The following SLC35G1 variants were observed in gnomAD, a reference collection of about 807,000 sequenced individuals.
SLC35G1 encodes the protein solute carrier family 35 member G1, also known as partner of STIM1.
In SLC35G1, 10 loss-of-function variants were observed where a neutral mutation model predicts 17.1. The observed-to-expected ratio is 0.59, with a 90% confidence interval of 0.36 to 0.99. The LOEUF (loss-of-function observed/expected upper bound fraction) is 0.99. Among genes scored for constraint, SLC35G1 ranks in the 50% least tolerant of loss-of-function variants. The pLI is 0.01. For missense variants in SLC35G1, 433 were observed against 468.4 expected (o/e 0.92, Z 0.70); for synonymous variants, 185 against 181.1 (o/e 1.02, Z -0.18).
At chr10:93,898,494 T>C (rs1245893691) in intron 1 of SLC35G1, 77 bp from the exon 2 acceptor site, 11 of 1,445,862 alleles carry the variant, frequency 7.6e-6, no homozygotes, top group African/African-American at 4.3e-5. Flanking sequence ...CACTGTTCCA[T>C]TTTTCTCAGT....
rs967959900 is a variant in SLC35G1 at position 93,903,364 on chromosome 10, G to A, written c.*1874G>A. On this transcript the variant is annotated 3_prime_UTR_variant, in exon 3 of 3. Transcript: ENST00000427197. The stretch of plus-strand genomic sequence containing the variant: ...ATAGGGGCCATGCTTCGTAGATAGG[G>A]ATGATAGAGAGGAGACCTGCCCAAG... 6.6e-6 allele frequency: 1 copy of A among 152,182 alleles called. No individual in the cohort carries two copies. Among genetic ancestry groups the A allele is most frequent in the Non-Finnish European group, 1.5e-5 (1 of 68,042 alleles). 9.4% of individuals were successfully genotyped at this position (152,182 alleles called of 1,614,324 possible).
chr10:93,903,804 AAAT>A lies in SLC35G1; in HGVS notation c.*2319_*2321del, dbSNP rs1007208369. 2 of 152,224 alleles carry A rather than the reference AAAT, an allele frequency of 1.3e-5. No homozygotes were observed. The highest frequency in any genetic ancestry group is 1.3e-4 in the Admixed American group (2 of 15,288). The allele number at this position is 152,224 out of a possible 1,614,324, so 9.4% of individuals were successfully genotyped here. The stretch of plus-strand genomic sequence containing the variant: ...TAAATTGTTTTTATAAGTACTAATA[AAAT>A]AATATGAAAGAAAGCTATATGTTGG... On this transcript the variant is annotated 3_prime_UTR_variant, in exon 3 of 3. Transcript: ENST00000427197.
chr10:93,894,242 C>T lies in SLC35G1; in HGVS notation c.178+31C>T. 2.3e-6 allele frequency: 3 copies of T among 1,320,748 alleles called. 1 individual carries two copies. The highest frequency in any genetic ancestry group is 2.5e-4 in the Middle Eastern group (1 of 4,060). The allele number at this position is 1,320,748 out of a possible 1,614,324, so 81.8% of individuals were successfully genotyped here. A position where few individuals can be genotyped will look rare whatever the true frequency, so the allele number is the denominator to read the frequency against. On this transcript the variant is annotated intron_variant, in intron 1 of 2. Coordinates refer to ENST00000427197, the MANE Select transcript of SLC35G1 (RefSeq NM_001134658.3). ...TGCGCGGTGTGGATCGGGCTCTGGT[C>T]TCGCTCGGGGGTCCCGAGCGGGCGC...
chr10:93,906,680 A>G (rs1242846288), downstream of SLC35G1, among the ~76,000 whole-genome samples: 1 of 152,202 alleles, frequency 6.6e-6, no homozygotes, highest in Non-Finnish European at 1.5e-5. Flanking sequence ...GGGTTTTTTT[A>G]GCCTGTGACA....
At chr10:93,905,688 G>A (rs1471806974), downstream of SLC35G1, among the ~76,000 whole-genome samples, 1 of 152,146 alleles carries the variant, frequency 6.6e-6, no homozygotes, top group Non-Finnish European at 1.5e-5. Flanking sequence ...GTTCCACTGG[G>A]CTCAGGAAAT....
chr10:93,896,125 G>A (rs1056348073), intron 1 of SLC35G1, among the ~76,000 whole-genome samples: 13 of 151,884 alleles, frequency 8.6e-5, no homozygotes, highest in African/African-American at 2.9e-4. Flanking sequence ...TGAGTAGCTG[G>A]GACCACAGGC....
chr10:93,895,945 G>C (rs2060325473), intron 1 of SLC35G1, among the ~76,000 whole-genome samples: 1 of 151,858 alleles, frequency 6.6e-6, no homozygotes, highest in Non-Finnish European at 1.5e-5. Flanking sequence ...GCCTTTTAGA[G>C]TTACAGAGAT....
chr10:93,907,340 C>T (rs1433516392), downstream of SLC35G1: 2 of 152,166 alleles, frequency 1.3e-5, no homozygotes, highest in Non-Finnish European at 2.9e-5. Flanking sequence ...TGCATTGGTA[C>T]AACTTCTAGG....
chr10:93,898,758 A>AT lies in SLC35G1; in HGVS notation c.359+13dup. The AT allele has an allele frequency of 6.3e-7, 1 of 1,593,052 alleles. No individual in the cohort carries two copies. Among genetic ancestry groups the AT allele is most frequent in the Non-Finnish European group, 8.5e-7 (1 of 1,173,554 alleles). On this transcript the variant is annotated splice_region_variant and intron_variant, in intron 2 of 2. Coordinates refer to ENST00000427197, the MANE Select transcript of SLC35G1 (RefSeq NM_001134658.3). The stretch of plus-strand genomic sequence containing the variant: ...CTTGCTTAATATACAGAAAGTAAGT[A>AT]TTTTTTAACTGCAAAGTAGAAGATA...
At chr10:93,904,302 C>A (rs1236216158), downstream of SLC35G1, among the ~76,000 whole-genome samples, 1 of 152,190 alleles carries the variant, frequency 6.6e-6, no homozygotes, top group Non-Finnish European at 1.5e-5. Flanking sequence ...ATTCCTGTCT[C>A]AGTGCCAGCT....
downstream of SLC35G1, among the ~76,000 whole-genome samples, chr10:93,904,388 A>G (rs555680601): frequency 3.4e-3 from 512 of 152,168 alleles, 1 homozygote; most frequent in African/African-American, 0.011. Context: ...TACACACCAT[A>G]TCACATCAAA....
At chr10:93,905,070 G>C (rs569075610), downstream of SLC35G1, among the ~76,000 whole-genome samples, 1 of 152,254 alleles carries the variant, frequency 6.6e-6, no homozygotes, top group South Asian at 2.1e-4. Flanking sequence ...CACCTTTCCA[G>C]TTCTGGCCCT....
chr10:93,898,984 C>T (rs973288073), intron 2 of SLC35G1, among the ~76,000 whole-genome samples: 1 of 152,160 alleles, frequency 6.6e-6, no homozygotes, highest in African/African-American at 2.4e-5. Flanking sequence ...TCACCACCTC[C>T]CCTTTTGAAA....
chr10:93,900,637 C>G (rs910822379), intron 2 of SLC35G1, 115 bp from the exon 3 acceptor site: 4,425 of 601,096 alleles, frequency 7.4e-3, no homozygotes, highest in Non-Finnish European at 9.5e-3. Flanking sequence ...AATTAATTTA[C>G]TATTCCCTCA....
At chr10:93,908,596 C>G (rs181537385), downstream of SLC35G1, 6 of 152,120 alleles carry the variant, frequency 3.9e-5, no homozygotes, top group Non-Finnish European at 7.3e-5. Flanking sequence ...GATGACAACA[C>G]TGCATATATT....
At chr10:93,899,857 G>T (rs567887324) in intron 2 of SLC35G1, among the ~76,000 whole-genome samples, 2 of 152,324 alleles carry the variant, frequency 1.3e-5, no homozygotes, top group South Asian at 4.1e-4. Flanking sequence ...GACACTGGAA[G>T]AATGTTGTTA....
chr10:93,901,210 T>G lies in SLC35G1; in HGVS notation c.818T>G (p.Leu273Ter). 1 of 1,614,114 alleles carries G rather than the reference T, an allele frequency of 6.2e-7. No homozygotes were observed. The highest frequency in any genetic ancestry group is 8.5e-7 in the Non-Finnish European group (1 of 1,179,956). Residue 273 changes from leucine to a stop codon, truncating the protein, a stop_gained, in exon 3 of 3, where the codon TTA (leucine) becomes TGA (stop). Transcript: ENST00000427197. LOFTEE classifies it high-confidence loss of function. Reference sequence around the variant, plus strand: ...GAAAGTGTCATCATCCTCTCTGTATTAGGAGAGTGGAGTCTGCCTTACTGT... The same window carrying G: ...GAAAGTGTCATCATCCTCTCTGTATGAGGAGAGTGGAGTCTGCCTTACTGT... Reference protein sequence around the residue: ...LVESVIILSVLGEWSLPYCGL... With the variant: ...LVESVIILSV
rs577014272 is a variant in SLC35G1 at position 93,894,020 on chromosome 10, G to A, written c.-14G>A. The A allele has an allele frequency of 2.2e-5, 31 of 1,400,430 alleles. No individual in the cohort carries two copies. Among genetic ancestry groups the A allele is most frequent in the Admixed American group, 3.2e-5 (1 of 30,942 alleles). 86.8% of individuals were successfully genotyped at this position (1,400,430 alleles called of 1,614,324 possible). A position where few individuals can be genotyped will look rare whatever the true frequency, so the allele number is the denominator to read the frequency against. Reference sequence around the variant, plus strand: ...CCAGACGGCACCGGCCGCTGGTAGAGCGCGTGCCGCGAGATGCGGCCTCAG... The same window carrying A: ...CCAGACGGCACCGGCCGCTGGTAGAACGCGTGCCGCGAGATGCGGCCTCAG... On this transcript the variant is annotated 5_prime_UTR_variant, in exon 1 of 3. Transcript: ENST00000427197.
Position 93,901,358 on chromosome 10 carries a change from G to A in SLC35G1, c.966G>A (p.Val322=), listed in dbSNP as rs1428153878. 1 of 1,614,004 alleles carries A rather than the reference G, an allele frequency of 6.2e-7. No individual in the cohort carries two copies. The highest frequency in any genetic ancestry group is 1.1e-5 in the South Asian group (1 of 91,078). ...GPVAIMKTMD[V]VFAFIFQIIF... Reference sequence around the variant, plus strand: ...TAGCAATAATGAAGACAATGGATGTGGTCTTTGCTTTTATCTTTCAGATTA... The same window carrying A: ...TAGCAATAATGAAGACAATGGATGTAGTCTTTGCTTTTATCTTTCAGATTA... The change falls in exon 3 of 3, where the codon GTG becomes GTA. Residue 322 remains valine (V), a synonymous_variant. Transcript: ENST00000427197.
Sources: allele counts gnomAD v4.1 joint callset (sites outside exome capture counted in the v4.1 genomes callset), GRCh38; gene constraint gnomAD v4.1.1; transcripts MANE v1.5; gene names NCBI Gene and HGNC (gene_info 2026-07-23, HGNC 2026-07-21).